PM20D2: variants seen among roughly 807,000 people sequenced by gnomAD.
PM20D2 encodes xaa-Arg dipeptidase.
Under a neutral mutation model 42.9 loss-of-function variants are expected in PM20D2, and 33 were observed. The observed-to-expected ratio is 0.77, with a 90% CI of 0.58 to 1.03. PM20D2 has a LOEUF of 1.03. Among genes scored for constraint, PM20D2 ranks in the 50% least tolerant of loss-of-function variants. The pLI, the probability that PM20D2 is intolerant of heterozygous loss-of-function variation, is 0.00. For synonymous variants in PM20D2, 250 were observed against 228.2 expected (o/e 1.10, Z -0.86); for missense variants, 548 against 557.0 (o/e 0.98, Z 0.16).
At chr6:89,109,817 C>A in the PM20D2 span, among the ~76,000 whole-genome samples, 1 of 152,172 alleles carries the variant, frequency 6.6e-6, no homozygotes, top group Non-Finnish European at 1.5e-5. Context: ...TCTGGCCGGG[C>A]GCGGTGGCTC....
At chr6:89,112,813 T>A in the PM20D2 span, among the ~76,000 whole-genome samples, 1 of 152,226 alleles carries the variant, frequency 6.6e-6, no homozygotes, top group South Asian at 2.1e-4. Flanking sequence ...ATATATATCA[T>A]GGTGGCCCCA....
At chr6:89,135,825 C>G in the PM20D2 span, among the ~76,000 whole-genome samples, 1 of 151,148 alleles carries the variant, frequency 6.6e-6, no homozygotes, top group South Asian at 2.1e-4. Context: ...ACTTGTCCCT[C>G]CTTAACAGTT....
the PM20D2 span, among the ~76,000 whole-genome samples, chr6:89,132,246 A>G: frequency 6.6e-6 from 1 of 152,190 alleles, no homozygotes; most frequent in South Asian, 2.1e-4. Flanking sequence ...AGCTTATGCA[A>G]ACAACAGCTT....
At chr6:89,138,780 G>T in the PM20D2 span, among the ~76,000 whole-genome samples, 3 of 152,138 alleles carry the variant, frequency 2.0e-5, no homozygotes, top group East Asian at 5.8e-4. Context: ...TGGGAGAATT[G>T]CTTGAACTTG....
intron 4 of PM20D2, among the ~76,000 whole-genome samples, 177 bp downstream of exon 4, chr6:89,155,079 C>T (rs540874454): frequency 1.3e-5 from 2 of 152,066 alleles, no homozygotes; most frequent in Admixed American, 6.5e-5. Context: ...TTCCTCAGTG[C>T]TTGCAATAGG....
chr6:89,133,643 A>T, the PM20D2 span, among the ~76,000 whole-genome samples: 3 of 151,142 alleles, frequency 2.0e-5, no homozygotes, highest in African/African-American at 7.4e-5. Flanking sequence ...AATAAGAGAT[A>T]CCCGGAATGG....
chr6:89,104,301 A>T, the PM20D2 span, among the ~76,000 whole-genome samples: 1 of 142,348 alleles, frequency 7.0e-6, no homozygotes, highest in Non-Finnish European at 1.5e-5. Flanking sequence ...CAATGGCGTG[A>T]TCTCAGCTCA....
chr6:89,137,354 C>A, the PM20D2 span, among the ~76,000 whole-genome samples: 1 of 152,174 alleles, frequency 6.6e-6, no homozygotes, highest in South Asian at 2.1e-4. Flanking sequence ...GAGATCCCAT[C>A]TCTAAAAAGA....
At chr6:89,146,715 C>A in intron 1 of PM20D2, 106 bp downstream of exon 1, 1 of 957,964 alleles carries the variant, frequency 1.0e-6, no homozygotes, top group Non-Finnish European at 1.4e-6. Context: ...GCCCTCCCGC[C>A]CGGGGCAGGT....
Position 89,146,572 on chromosome 6 carries a change from C to T in PM20D2, c.428C>T (p.Ala143Val). ...GAAAALGVRG[A>V]LEGLPRPPPP... ...GCGGCCGCGCTGGGCGTGAGGGGGG[C>T]CTTAGAGGGCCTCCCCAGGCCGCCT... The change falls in exon 1 of 7, where the codon GCC becomes GTC. Residue 143 changes from alanine to valine, a missense_variant. Transcript: ENST00000275072. The T allele has an allele frequency of 6.7e-7, 1 of 1,481,498 alleles. No homozygotes were observed. Among genetic ancestry groups the T allele is most frequent in the Non-Finnish European group, 8.9e-7 (1 of 1,122,604 alleles). 91.8% of individuals were successfully genotyped at this position (1,481,498 alleles called of 1,614,324 possible). A position where few individuals can be genotyped will look rare whatever the true frequency, so the allele number is the denominator to read the frequency against.
rs759342761 is a variant in PM20D2, at chr6:89,154,910, C to A, written c.912+8C>A. The A allele has an allele frequency of 4.5e-6, 7 of 1,564,398 alleles. No homozygotes were observed. The South Asian group carries it at 8.4e-5, about 19-fold the overall frequency. On this transcript the variant is annotated splice_region_variant and intron_variant, in intron 4 of 6. Coordinates refer to ENST00000275072, the MANE Select transcript of PM20D2 (RefSeq NM_001010853.3). Reference sequence around the variant, plus strand: ...TTGGCTTCAGGGTGCACAGTAAGAACTTTTAAAAGTTAATCTAAGTTACAA... The same window carrying A: ...TTGGCTTCAGGGTGCACAGTAAGAAATTTTAAAAGTTAATCTAAGTTACAA...
chr6:89,113,693 G>A, the PM20D2 span, among the ~76,000 whole-genome samples: 1 of 152,150 alleles, frequency 6.6e-6, no homozygotes, highest in South Asian at 2.1e-4. Flanking sequence ...CTCACCCCCG[G>A]AGTGCAGTGG....
chr6:89,156,864 A>T (rs1202530326), intron 4 of PM20D2, among the ~76,000 whole-genome samples: 1 of 152,228 alleles, frequency 6.6e-6, no homozygotes, highest in African/African-American at 2.4e-5. Flanking sequence ...GTATTCTCAT[A>T]TGCCACTAGA....
rs115249535 is a variant in PM20D2 at position 89,158,793 on chromosome 6, G to A, written c.1048+333G>A. Among the ~76,000 whole-genome samples the A allele has an allele frequency of 4.5e-3, 681 of 152,300 alleles. 5 individuals carry two copies. The highest frequency in any genetic ancestry group is 0.016 in the African/African-American group (658 of 41,556). ...AATTCATTCTCAGTCATCACAATAAGCAGGTTACTAAGTACTTAGTTATCT... is the reference window on the plus strand; with the variant it reads ...AATTCATTCTCAGTCATCACAATAAACAGGTTACTAAGTACTTAGTTATCT... On this transcript the variant is annotated intron_variant, in intron 5 of 6. Coordinates refer to ENST00000275072, the MANE Select transcript of PM20D2 (RefSeq NM_001010853.3).
the PM20D2 span, among the ~76,000 whole-genome samples, chr6:89,132,669 A>G: frequency 6.7e-6 from 1 of 148,848 alleles, no homozygotes; most frequent in Non-Finnish European, 1.5e-5. Context: ...AACATGGTGA[A>G]ACCCTGTCTC....
At chr6:89,151,833 A>G (rs1359060592) in intron 2 of PM20D2, among the ~76,000 whole-genome samples, 1 of 152,128 alleles carries the variant, frequency 6.6e-6, no homozygotes, top group Non-Finnish European at 1.5e-5. Context: ...CACACCTGTA[A>G]TCACAGCACT....
the PM20D2 span, among the ~76,000 whole-genome samples, chr6:89,121,907 C>A: frequency 5.4e-3 from 819 of 152,286 alleles, 4 homozygotes; most frequent in South Asian, 0.012. Flanking sequence ...TGTCATATCT[C>A]ATTTAGATAT....
the PM20D2 span, among the ~76,000 whole-genome samples, chr6:89,120,400 A>G: frequency 0.047 from 7,143 of 152,250 alleles, 211 homozygotes; most frequent in African/African-American, 0.089. Context: ...GGACTTGGAC[A>G]TGTATTTTTG....
At chr6:89,115,882 G>C in the PM20D2 span, among the ~76,000 whole-genome samples, 1 of 149,748 alleles carries the variant, frequency 6.7e-6, no homozygotes. Context: ...TGATCCGCCT[G>C]CCTCAGCCTC....
Sources: allele counts gnomAD v4.1 joint callset (sites outside exome capture counted in the v4.1 genomes callset), GRCh38; gene constraint gnomAD v4.1.1; transcripts MANE v1.5; gene names NCBI Gene and HGNC (gene_info 2026-07-23, HGNC 2026-07-21).